ZNF268: variants seen among roughly 807,000 people sequenced by gnomAD.
ZNF268 encodes zinc finger protein 3.
ZNF268 carries 20 observed loss-of-function variants against 29.3 expected under a neutral mutation model. The observed-to-expected ratio is 0.68, with a 90% CI of 0.48 to 0.99. ZNF268 has a LOEUF of 0.99. Among genes scored for constraint, ZNF268 ranks in the 50% least tolerant of loss-of-function variants. ZNF268 has a pLI of 0.00. For synonymous variants in ZNF268, 429 were observed against 376.9 expected (o/e 1.14, Z -1.60); for missense variants, 1,240 against 1,121.6 (o/e 1.11, Z -1.51).
rs1461800348 is a variant in ZNF268 at position 133,206,277 on chromosome 12, A to T, written c.*1747A>T. On this transcript the variant is annotated 3_prime_UTR_variant, in exon 6 of 6. Coordinates refer to ENST00000536435, the MANE Select transcript of ZNF268 (RefSeq NM_003415.3). ...AGTCATGAAATGAATTGTTGGCATC[A>T]TGTGCTCACTGAGGCTTTGGGGAAA... 4 of 152,230 alleles carry T rather than the reference A, an allele frequency of 2.6e-5. No homozygotes were observed. The highest frequency in any genetic ancestry group is 9.6e-5 in the African/African-American group (4 of 41,460). The allele number at this position is 152,230 out of a possible 1,614,324, so 9.4% of individuals were successfully genotyped here.
chr12:133,181,600 G>T lies in ZNF268; in HGVS notation c.-139G>T, dbSNP rs952307116. On this transcript the variant is annotated 5_prime_UTR_variant, in exon 1 of 6. Coordinates refer to ENST00000536435, the MANE Select transcript of ZNF268 (RefSeq NM_003415.3). ...CGGGCCAGCCGAGTCTGGAGTGGTT[G>T]CGAACCCTTCTGGCTGCAGATCTGG... 4 of 183,136 alleles carry T rather than the reference G, an allele frequency of 2.2e-5. No homozygotes were observed. Among genetic ancestry groups the T allele is most frequent in the African/African-American group, 9.3e-5 (4 of 42,808 alleles). The allele number at this position is 183,136 out of a possible 1,614,324, so 11.3% of individuals were successfully genotyped here.
chr12:133,190,684 G>T (rs748620705), intron 3 of ZNF268, among the ~76,000 whole-genome samples: 4 of 152,280 alleles, frequency 2.6e-5, no homozygotes, highest in Middle Eastern at 6.8e-3. Context: ...TCTCTTCTGG[G>T]TACCAATAGT....
In ZNF268 at chr12:133,204,782, T is replaced by C. The variant is rs1956857791; in HGVS notation, c.*252T>C. ...AATTTTTAGCAGCAAGTCATACCTT[T>C]TTTTAAAAAGTTCATACAGGTGAGG... On this transcript the variant is annotated 3_prime_UTR_variant, in exon 6 of 6. Coordinates refer to ENST00000536435, the MANE Select transcript of ZNF268 (RefSeq NM_003415.3). 7.8e-6 allele frequency: 3 copies of C among 386,094 alleles called. No individual in the cohort carries two copies. In the South Asian group the frequency reaches 2.0e-4, roughly 25 times the overall value. The allele number at this position is 386,094 out of a possible 1,614,324, so 23.9% of individuals were successfully genotyped here.
intron 3 of ZNF268, among the ~76,000 whole-genome samples, chr12:133,191,143 C>T (rs1427409567): frequency 6.6e-6 from 1 of 151,940 alleles, no homozygotes; most frequent in East Asian, 1.9e-4. Flanking sequence ...AGTGAAACCC[C>T]GTCTCTACTA....
chr12:133,187,175 C>CT (rs570490175), intron 2 of ZNF268, among the ~76,000 whole-genome samples: 5 of 150,838 alleles, frequency 3.3e-5, no homozygotes, highest in Admixed American at 2.0e-4. Flanking sequence ...TTTTTTATTC[C>CT]TTTTTTTTTA....
At position 133,204,445 on chromosome 12, in the gene ZNF268, G is replaced by C; in HGVS notation, c.2759G>C (p.Cys920Ser). The change falls in exon 6 of 6, where the codon TGT (cysteine) becomes TCT (serine). Residue 920 changes from cysteine to serine, a missense_variant. Physicochemically the swap from Cys to Ser is moderately radical, Grantham distance 112. Around this residue, in one of 3 missense-constraint regions of ZNF268, gnomAD observed 1,177 missense variants for 1,039.6 expected, o/e 1.13. Coordinates refer to ENST00000536435, the MANE Select transcript of ZNF268 (RefSeq NM_003415.3). ...HQRTHTGEKP[C>S]KCTECGKAFC... is the part of the protein sequence containing the mutation. ...AGAACACATACAGGAGAGAAGCCTT[G>C]TAAGTGCACTGAATGTGGGAAAGCC... The C allele has an allele frequency of 6.4e-7, 1 of 1,553,740 alleles. No individual in the cohort carries two copies. The highest frequency in any genetic ancestry group is 8.7e-7 in the Non-Finnish European group (1 of 1,155,948).
Position 133,202,714 on chromosome 12 carries a change from T to G in ZNF268, c.1028T>G (p.Phe343Cys). Residue 343 changes from phenylalanine to cysteine, a missense_variant, in exon 6 of 6, where the codon TTC (phenylalanine) becomes TGC (cysteine). This residue lies in a region of ZNF268 where 1,177 missense variants were observed against 1,039.6 expected (regional missense o/e 1.13). Coordinates refer to ENST00000536435, the MANE Select transcript of ZNF268 (RefSeq NM_003415.3). ...AGTGAATGCAGGAAAACATTCAGTT[T>G]CCATTCACAGCTTGTTATACATCAG... Reference protein sequence around the residue: ...ECSECRKTFSFHSQLVIHQRI... With the variant: ...ECSECRKTFSCHSQLVIHQRI... 6.2e-7 allele frequency: 1 copy of G among 1,611,672 alleles called. No homozygotes were observed. Among genetic ancestry groups the G allele is most frequent in the Non-Finnish European group, 8.5e-7 (1 of 1,178,938 alleles).
Position 133,208,649 on chromosome 12 carries a change from T to C in ZNF268, c.*4119T>C, listed in dbSNP as rs1956939687. The C allele has an allele frequency of 6.6e-6, 1 of 152,240 alleles. No homozygotes were observed. Among genetic ancestry groups the C allele is most frequent in the Admixed American group, 6.5e-5 (1 of 15,276 alleles). The allele number at this position is 152,240 out of a possible 1,614,324, so 9.4% of individuals were successfully genotyped here. A position where few individuals can be genotyped will look rare whatever the true frequency, so the allele number is the denominator to read the frequency against. Reference sequence around the variant, plus strand: ...CATCCTGGGCAACAAAGTGAGACCCTGTCTGTAAAAAACAAAGCAAAATTA... The same window carrying C: ...CATCCTGGGCAACAAAGTGAGACCCCGTCTGTAAAAAACAAAGCAAAATTA... On this transcript the variant is annotated 3_prime_UTR_variant, in exon 6 of 6. Transcript: ENST00000536435.
In ZNF268 at chr12:133,204,211, A is replaced by T; in HGVS notation, c.2525A>T (p.Glu842Val). The T allele has an allele frequency of 6.5e-7, 1 of 1,540,900 alleles. No individual in the cohort carries two copies. The change falls in exon 6 of 6, where the codon GAG becomes GTG. Residue 842 changes from glutamate to valine, a missense_variant. Glu to Val is a moderately radical substitution (Grantham distance 121). Around this residue, in one of 3 missense-constraint regions of ZNF268, gnomAD observed 1,177 missense variants for 1,039.6 expected, o/e 1.13. Transcript: ENST00000536435. ...AACCCTTATAAATGCAGTCAATGTGAGAAATCCTTCAGTGGGAAATTACGC... is the reference window on the plus strand; with the variant it reads ...AACCCTTATAAATGCAGTCAATGTGTGAAATCCTTCAGTGGGAAATTACGC... ...GVNPYKCSQC[E>V]KSFSGKLRLL...
intron 2 of ZNF268, among the ~76,000 whole-genome samples, chr12:133,182,511 A>G (rs1956202194): frequency 1.3e-5 from 2 of 152,156 alleles, no homozygotes; most frequent in African/African-American, 4.8e-5. Context: ...TAAGAAAGAC[A>G]ATGACAAGTT....
Position 133,205,308 on chromosome 12 carries a change from T to G in ZNF268, c.*778T>G, listed in dbSNP as rs1178487782. 2 of 152,042 alleles carry G rather than the reference T, an allele frequency of 1.3e-5. No homozygotes were observed. The highest frequency in any genetic ancestry group is 2.9e-5 in the Non-Finnish European group (2 of 67,976). 9.4% of individuals were successfully genotyped at this position (152,042 alleles called of 1,614,324 possible). The stretch of plus-strand genomic sequence containing the variant: ...AAATTCTCAATTATAAATAATAAGA[T>G]ACAGATTATTTCATTGTACAAGTGA... On this transcript the variant is annotated 3_prime_UTR_variant, in exon 6 of 6. Transcript: ENST00000536435.
chr12:133,202,424 A>G lies in ZNF268; in HGVS notation c.738A>G (p.Ile246Met), dbSNP rs769975055. The change falls in exon 6 of 6, where the codon ATA becomes ATG. Residue 246 changes from isoleucine to methionine, a missense_variant. Ile to Met is a conservative substitution (Grantham distance 10). Around this residue, in one of 3 missense-constraint regions of ZNF268, gnomAD observed 1,177 missense variants for 1,039.6 expected, o/e 1.13. Transcript: ENST00000536435. ...AACATGAGCAAACTGTTATTGGAATAAAATACTGTGAAAGTATTGAATCTG... is the reference window on the plus strand; with the variant it reads ...AACATGAGCAAACTGTTATTGGAATGAAATACTGTGAAAGTATTGAATCTG... ...HSKHEQTVIG[I>M]KYCESIESGK... 5.0e-6 allele frequency: 8 copies of G among 1,610,924 alleles called. No homozygotes were observed. In the Admixed American group the frequency reaches 1.3e-4, roughly 27 times the overall value.
rs2135521329 is a variant in ZNF268 at position 133,202,510 on chromosome 12, C to G, written c.824C>G (p.Pro275Arg). 6.2e-7 allele frequency: 1 copy of G among 1,612,254 alleles called. No individual in the cohort carries two copies. The highest frequency in any genetic ancestry group is 1.1e-5 in the South Asian group (1 of 90,846). Residue 275 changes from proline (P) to arginine (R), a missense_variant, in exon 6 of 6, where the codon CCC becomes CGC. Coordinates refer to ENST00000536435, the MANE Select transcript of ZNF268 (RefSeq NM_003415.3). Reference sequence around the variant, plus strand: ...CAACAAATGTATATGGGCGAAAAACCCTTTGGATGCAGCTGTTGTGAGAAA... The same window carrying G: ...CAACAAATGTATATGGGCGAAAAACGCTTTGGATGCAGCTGTTGTGAGAAA... Reference protein sequence around the residue: ...MCQQMYMGEKPFGCSCCEKAF... With the variant: ...MCQQMYMGEKRFGCSCCEKAF...
rs142303095 is a variant in ZNF268 at position 133,212,198 on chromosome 12, G to A, written c.*7668G>A. On this transcript the variant is annotated 3_prime_UTR_variant, in exon 6 of 6. Coordinates refer to ENST00000536435, the MANE Select transcript of ZNF268 (RefSeq NM_003415.3). ...AGCAAACATATCTGTGATTGATGAC[G>A]GTTTGTAGAGGGCAGGGAGTGAGTT... The A allele has an allele frequency of 0.64, 97,178 of 151,752 alleles. 31,713 individuals are homozygous for A. The highest frequency in any genetic ancestry group is 0.91 in the East Asian group (4,729 of 5,174). The allele number at this position is 151,752 out of a possible 1,614,324, so 9.4% of individuals were successfully genotyped here. A position where few individuals can be genotyped will look rare whatever the true frequency, so the allele number is the denominator to read the frequency against.
Position 133,194,921 on chromosome 12 carries a change from A to AGCAGCAG in ZNF268, c.457+2918_457+2919insGCAGCAG, listed in dbSNP as rs141139295. Reference sequence around the variant, plus strand: ...ACCCATATGTTGGTTCTTGTACTACATTAATACAAGTCTAGGATCCTGTTC... The same window carrying AGCAGCAG: ...ACCCATATGTTGGTTCTTGTACTACAGCAGCAGTTAATACAAGTCTAGGATCCTGTTC... On this transcript the variant is annotated intron_variant, in intron 5 of 5. Coordinates refer to ENST00000536435, the MANE Select transcript of ZNF268 (RefSeq NM_003415.3). Among the ~76,000 whole-genome samples the AGCAGCAG allele has an allele frequency of 2.6e-3, 351 of 134,882 alleles. 12 individuals are homozygous for AGCAGCAG. Among genetic ancestry groups the AGCAGCAG allele is most frequent in the African/African-American group, 3.6e-3 (127 of 35,048 alleles). 88.5% of individuals were successfully genotyped at this position (134,882 alleles called of 152,430 possible). A position where few individuals can be genotyped will look rare whatever the true frequency, so the allele number is the denominator to read the frequency against.
Position 133,187,900 on chromosome 12 carries a change from C to G in ZNF268, c.62C>G (p.Ser21Ter), listed in dbSNP as rs753599725. Residue 21 changes from serine (S) to a stop codon, truncating the protein, a stop_gained, in exon 3 of 6, where the codon TCA becomes TGA. Coordinates refer to ENST00000536435, the MANE Select transcript of ZNF268 (RefSeq NM_003415.3). LOFTEE classifies it high-confidence loss of function. The part of the protein sequence containing the change: ...WVPPLQERNS[S>*]WDRIRKLQGQ... ...CCACCTCTCCAAGAACGAAACAGTT[C>G]ATGGGATAGGATCAGAAAGCTCCAA... 6.3e-7 allele frequency: 1 copy of G among 1,599,208 alleles called. No individual in the cohort carries two copies. The highest frequency in any genetic ancestry group is 1.1e-5 in the South Asian group (1 of 88,266).
Position 133,204,307 on chromosome 12 carries a change from T to C in ZNF268, c.2621T>C (p.Ile874Thr), listed in dbSNP as rs781092463. ...TGCAGTGAGTGTGGAAAAGCCTTCA[T>C]TAGGAATTCTCAACTCATTGTACAT... ...YECSECGKAF[I>T]RNSQLIVHQR... is the part of the protein sequence containing the mutation. The change falls in exon 6 of 6, where the codon ATT (isoleucine) becomes ACT (threonine). Residue 874 changes from isoleucine (I) to threonine (T), a missense_variant. This residue lies in a region of ZNF268 where 1,177 missense variants were observed against 1,039.6 expected (regional missense o/e 1.13). Coordinates refer to ENST00000536435, the MANE Select transcript of ZNF268 (RefSeq NM_003415.3). The C allele has an allele frequency of 3.2e-6, 5 of 1,558,780 alleles. No homozygotes were observed. The highest frequency in any genetic ancestry group is 2.4e-5 in the East Asian group (1 of 42,140).
chr12:133,185,183 C>CA (rs534300830), intron 2 of ZNF268, among the ~76,000 whole-genome samples: 25,422 of 87,598 alleles, frequency 0.29, 3,110 homozygotes, highest in Middle Eastern at 0.38. Context: ...GACTCTGTCT[C>CA]AAAAAAAAAA....
At chr12:133,200,383 G>A (rs968753244) in intron 5 of ZNF268, among the ~76,000 whole-genome samples, 45 of 152,136 alleles carry the variant, frequency 3.0e-4, no homozygotes, top group African/African-American at 8.9e-4. Context: ...TTGCACTGTC[G>A]TCTTAGAGAT....
Sources: gnomAD v4.1 joint callset for allele counts (sites outside exome capture counted in the v4.1 genomes callset) on GRCh38, gnomAD v4.1.1 for gene constraint, gnomAD v4.1.1 regional missense constraint, MANE v1.5 for transcripts, NCBI Gene and HGNC (gene_info 2026-07-23, HGNC 2026-07-21) for gene names.